IQCJ: variants seen among roughly 807,000 people sequenced by gnomAD.
The protein encoded by IQCJ is IQ motif containing J.
In IQCJ, 9 loss-of-function variants were observed where a neutral mutation model predicts 11.0. That is an observed-to-expected ratio of 0.82 (90% CI 0.49 to 1.43). The LOEUF is 1.43. Ranked by LOEUF, IQCJ falls within the 40% of genes most tolerant of loss-of-function variation. The probability of loss-of-function intolerance (pLI) is 0.00; values close to 1 mark genes in which losing one functional copy is unlikely to be tolerated. For synonymous variants in IQCJ, 55 were observed against 51.3 expected, an observed-to-expected ratio of 1.07 and a Z score of -0.31; for missense variants, 146 against 133.2, an observed-to-expected ratio of 1.10 and a Z score of -0.47.
intron 2 of IQCJ, 89 bp downstream of exon 2, chr3:159,245,996 T>C (rs1039774648): frequency 4.0e-6 from 4 of 1,011,590 alleles, no homozygotes; most frequent in African/African-American, 1.6e-5. Flanking sequence ...AGTAAGTAAA[T>C]TGGACAGTTT....
chr3:159,133,105 TAAGAA>T (rs1468520846), intron 1 of IQCJ, among the ~76,000 whole-genome samples: 9 of 152,100 alleles, frequency 5.9e-5, no homozygotes, highest in Non-Finnish European at 8.8e-5. Flanking sequence ...ATAAATTTAA[TAAGAA>T]AAGAAAAGAG....
chr3:159,262,347 G>A (rs1728260703), intron 3 of IQCJ, among the ~76,000 whole-genome samples: 1 of 152,208 alleles, frequency 6.6e-6, no homozygotes, highest in Non-Finnish European at 1.5e-5. Context: ...AGTCAAACCA[G>A]TAAGGTAGGG....
chr3:159,132,837 A>C (rs1720067294), intron 1 of IQCJ, among the ~76,000 whole-genome samples: 1 of 152,170 alleles, frequency 6.6e-6, no homozygotes, highest in Non-Finnish European at 1.5e-5. Context: ...GAAAAGCAAA[A>C]ACGTGAGAAT....
At chr3:159,117,589 T>C (rs1371288136) in intron 1 of IQCJ, among the ~76,000 whole-genome samples, 1 of 152,224 alleles carries the variant, frequency 6.6e-6, no homozygotes, top group African/African-American at 2.4e-5. Flanking sequence ...TCATAGAACA[T>C]AGTGGAAAAA....
chr3:159,159,291 G>C (rs898459126), intron 1 of IQCJ, among the ~76,000 whole-genome samples: 1 of 152,022 alleles, frequency 6.6e-6, no homozygotes, highest in Non-Finnish European at 1.5e-5. Context: ...TGGGGCTGTG[G>C]GCTCTGAATT....
At chr3:159,262,407 A>T in intron 3 of IQCJ, 141 bp from the exon 4 acceptor site, 1 of 1,301,960 alleles carries the variant, frequency 7.7e-7, no homozygotes, top group Non-Finnish European at 1.0e-6. Flanking sequence ...CTCCTGATTC[A>T]CTACATCACA....
chr3:159,248,060 G>T (rs1330665839), intron 2 of IQCJ, among the ~76,000 whole-genome samples: 1 of 152,206 alleles, frequency 6.6e-6, no homozygotes, highest in Non-Finnish European at 1.5e-5. Context: ...TGGGTCTGAT[G>T]CCTCTTTCTA....
intron 1 of IQCJ, among the ~76,000 whole-genome samples, chr3:159,202,807 C>A (rs1409318075): frequency 6.6e-6 from 1 of 152,004 alleles, no homozygotes; most frequent in African/African-American, 2.4e-5. Flanking sequence ...CCAACTTAAG[C>A]CAAGCAAATT....
chr3:159,157,567 G>C (rs183287676), intron 1 of IQCJ, among the ~76,000 whole-genome samples: 137 of 152,242 alleles, frequency 9.0e-4, no homozygotes, highest in Non-Finnish European at 1.5e-3. Context: ...GTTTTGAATA[G>C]ATGTTACATT....
intron 1 of IQCJ, among the ~76,000 whole-genome samples, chr3:159,196,279 T>TA (rs1022468281): frequency 1.6e-4 from 24 of 152,302 alleles, no homozygotes; most frequent in South Asian, 4.1e-4. Flanking sequence ...AATAATGTTA[T>TA]AAAAAAAGGA....
At chr3:159,103,479 A>G (rs181824910) in intron 1 of IQCJ, among the ~76,000 whole-genome samples, 1 of 152,322 alleles carries the variant, frequency 6.6e-6, no homozygotes, top group Non-Finnish European at 1.5e-5. Flanking sequence ...TTATGGCTTG[A>G]ATTAAGGGTA....
At chr3:159,231,793 T>C (rs1726264761) in intron 1 of IQCJ, among the ~76,000 whole-genome samples, 1 of 152,234 alleles carries the variant, frequency 6.6e-6, no homozygotes, top group Non-Finnish European at 1.5e-5. Flanking sequence ...TATTAATTAC[T>C]GCCTCAATTT....
At chr3:159,072,797 C>G (rs6783041) in intron 1 of IQCJ, among the ~76,000 whole-genome samples, 9,659 of 152,004 alleles carry the variant, frequency 0.064, 999 homozygotes, top group African/African-American at 0.22. Context: ...ATTAACTTGT[C>G]TGAGTTTGTA....
chr3:159,106,701 A>G (rs1718286755), intron 1 of IQCJ, among the ~76,000 whole-genome samples: 1 of 152,112 alleles, frequency 6.6e-6, no homozygotes, highest in Admixed American at 6.6e-5. Flanking sequence ...AGTTAGTGTC[A>G]TACCCCACAA....
chr3:159,084,968 C>G (rs2108065505), intron 1 of IQCJ, among the ~76,000 whole-genome samples: 1 of 151,472 alleles, frequency 6.6e-6, no homozygotes, highest in South Asian at 2.1e-4. Flanking sequence ...GTACAATGTG[C>G]AGGTTAGTTA....
intron 1 of IQCJ, among the ~76,000 whole-genome samples, chr3:159,208,361 G>C (rs919112219): frequency 6.6e-6 from 1 of 152,098 alleles, no homozygotes; most frequent in Non-Finnish European, 1.5e-5. Context: ...ACCTACCCCA[G>C]CTGATGTGCC....
Position 159,148,038 on chromosome 3 carries a change from T to C in IQCJ, c.9+78597T>C, listed in dbSNP as rs1003457608. Among the ~76,000 whole-genome samples, 3 of 152,378 alleles carry C rather than the reference T, an allele frequency of 2.0e-5. No individual in the cohort carries two copies. In the East Asian group the frequency reaches 5.8e-4, roughly 29 times the overall value. Reference sequence around the variant, plus strand: ...CCCAGAACTGCTGAATCAGAATCTCTAGGGGTGGAACCCAATAAGCTACAC... The same window carrying C: ...CCCAGAACTGCTGAATCAGAATCTCCAGGGGTGGAACCCAATAAGCTACAC... On this transcript the variant is annotated intron_variant, in intron 1 of 3. Coordinates refer to ENST00000397832, the MANE Select transcript of IQCJ (RefSeq NM_001042706.3).
chr3:159,234,705 C>T (rs1262375696), intron 1 of IQCJ, among the ~76,000 whole-genome samples: 2 of 151,972 alleles, frequency 1.3e-5, no homozygotes, highest in East Asian at 3.8e-4. Flanking sequence ...ATGAAATAGT[C>T]CCAGAGAGAA....
chr3:159,071,775 G>A (rs918302664), intron 1 of IQCJ, among the ~76,000 whole-genome samples: 1 of 151,958 alleles, frequency 6.6e-6, no homozygotes, highest in African/African-American at 2.4e-5. Context: ...ACCTCCTACT[G>A]GCTTTAGACA....
Sources: allele counts gnomAD v4.1 joint callset (sites outside exome capture counted in the v4.1 genomes callset), GRCh38; gene constraint gnomAD v4.1.1; transcripts MANE v1.5; gene names NCBI Gene and HGNC (gene_info 2026-07-23, HGNC 2026-07-21).